Variants in EBF4 observed in about 807,000 individuals in gnomAD.
The protein encoded by EBF4 is transcription factor COE4.
In EBF4, 34 loss-of-function variants were observed where a neutral mutation model predicts 67.1. That is an observed-to-expected ratio of 0.51 (90% CI 0.39 to 0.67). EBF4 has a LOEUF of 0.67. EBF4 is among the 30% of genes least tolerant of loss of function. The probability of loss-of-function intolerance (pLI) is 0.00; values close to 1 mark genes in which losing one functional copy is unlikely to be tolerated. For synonymous variants in EBF4, 387 were observed against 377.7 expected, an observed-to-expected ratio of 1.02 and a Z score of -0.29; for missense variants, 837 against 873.3, an observed-to-expected ratio of 0.96 and a Z score of 0.52.
intron 14 of EBF4, among the ~76,000 whole-genome samples, chr20:2,753,639 G>A (rs1336490652): frequency 6.6e-6 from 1 of 152,218 alleles, no homozygotes; most frequent in African/African-American, 2.4e-5. Context: ...ACTGGTCATG[G>A]CTTTGCCCGT....
intron 6 of EBF4, among the ~76,000 whole-genome samples, chr20:2,719,841 G>A (rs919425091): frequency 1.2e-4 from 18 of 152,094 alleles, no homozygotes; most frequent in African/African-American, 3.4e-4. Flanking sequence ...TTTTGCCTGC[G>A]CTTGTGAAGA....
chr20:2,707,878 G>C lies in EBF4; in HGVS notation c.415-69G>C, dbSNP rs543800598. The C allele has an allele frequency of 2.1e-6, 3 of 1,436,298 alleles. No individual in the cohort carries two copies. 89.0% of individuals were successfully genotyped at this position (1,436,298 alleles called of 1,614,324 possible). A position where few individuals can be genotyped will look rare whatever the true frequency, so the allele number is the denominator to read the frequency against. ...CCTAGGCTTGGGAGATGCCAGGTCC[G>C]TCTGTGCTGCCACCTGCACCTCAGA... On this transcript the variant is annotated intron_variant, in intron 4 of 16. Coordinates refer to ENST00000609451, the Ensembl canonical transcript of EBF4. This position sits in a 1 kb window ranked among gnomAD's most constrained non-coding sequence, Gnocchi z 4.6.
At chr20:2,754,642 A>C (rs964179162) in intron 14 of EBF4, among the ~76,000 whole-genome samples, 7 of 152,172 alleles carry the variant, frequency 4.6e-5, no homozygotes, top group Non-Finnish European at 1.0e-4. Context: ...TTCTTCCAGG[A>C]AGCCCCACCC....
chr20:2,740,896 G>C (rs1455946293), intron 6 of EBF4, among the ~76,000 whole-genome samples: 5 of 152,140 alleles, frequency 3.3e-5, no homozygotes, highest in African/African-American at 1.2e-4. Flanking sequence ...TCTTGGCTGA[G>C]GGTAATTCTC....
rs142268392 is a variant in EBF4, at chr20:2,739,671, G to A, written c.558-8878G>A. Among the ~76,000 whole-genome samples, 175 of 152,346 alleles carry A rather than the reference G, an allele frequency of 1.1e-3. No homozygotes were observed. Among genetic ancestry groups the A allele is most frequent in the African/African-American group, 4.1e-3 (169 of 41,578 alleles). On this transcript the variant is annotated intron_variant, in intron 6 of 16. Coordinates refer to ENST00000609451, the Ensembl canonical transcript of EBF4. This position sits in a 1 kb window ranked among gnomAD's most constrained non-coding sequence, Gnocchi z 4.5. ...GTCCTCCTCTGTCCCTGAGCTGAGGGTAGAGAGAAGCAGACAGTGAACACG... is the reference window on the plus strand; with the variant it reads ...GTCCTCCTCTGTCCCTGAGCTGAGGATAGAGAGAAGCAGACAGTGAACACG...
chr20:2,698,062 C>T (rs934868426), intron 1 of EBF4, among the ~76,000 whole-genome samples: 3 of 152,048 alleles, frequency 2.0e-5, no homozygotes, highest in East Asian at 1.9e-4. Context: ...GGGTGGGTGG[C>T]GAGAGGGTGG....
At chr20:2,742,717 G>C (rs2087986365) in intron 6 of EBF4, among the ~76,000 whole-genome samples, 1 of 151,950 alleles carries the variant, frequency 6.6e-6, no homozygotes, top group African/African-American at 2.4e-5. Context: ...CCCCCATCCT[G>C]GTCAGGAAAA....
At chr20:2,753,593 C>T (rs984514356) in intron 14 of EBF4, among the ~76,000 whole-genome samples, 5 of 152,356 alleles carry the variant, frequency 3.3e-5, no homozygotes, top group East Asian at 1.9e-4. Flanking sequence ...GCGACTCTGC[C>T]GAGCTGGAGA....
Position 2,707,832 on chromosome 20 carries a change from C to A in EBF4, c.415-115C>A. ...AGCAAGGCAGAGGGCGTGCTCTTCCCTGGGGCAGGGTCTCCCTGGGCCTAG... is the reference window on the plus strand; with the variant it reads ...AGCAAGGCAGAGGGCGTGCTCTTCCATGGGGCAGGGTCTCCCTGGGCCTAG... On this transcript the variant is annotated intron_variant, in intron 4 of 16. Coordinates refer to ENST00000609451, the Ensembl canonical transcript of EBF4. This position sits in a 1 kb window ranked among gnomAD's most constrained non-coding sequence, Gnocchi z 4.6. The A allele has an allele frequency of 9.3e-7, 1 of 1,073,166 alleles. No individual in the cohort carries two copies. Among genetic ancestry groups the A allele is most frequent in the Non-Finnish European group, 1.3e-6 (1 of 767,130 alleles). 66.5% of individuals were successfully genotyped at this position (1,073,166 alleles called of 1,614,324 possible).
At chr20:2,736,452 C>T (rs1260323829) in intron 6 of EBF4, among the ~76,000 whole-genome samples, 1 of 152,170 alleles carries the variant, frequency 6.6e-6, no homozygotes, top group African/African-American at 2.4e-5. Flanking sequence ...GAATCAGCCC[C>T]CTTCCTAATC....
At position 2,743,965 on chromosome 20, in the gene EBF4, A is replaced by G. The variant is rs540859526; in HGVS notation, c.558-4584A>G. ...TCAAGTTTATTCCTTCTATCTTGCT[A>G]TTTGTACCCTATAACCCACTTCTCT... On this transcript the variant is annotated intron_variant, in intron 6 of 16. Transcript: ENST00000609451. 1.2e-4 allele frequency among the ~76,000 whole-genome samples: 19 copies of G among 152,104 alleles called. 1 individual carries two copies. The South Asian group carries it at 3.9e-3, about 32-fold the overall frequency.
rs1195563865 is a variant in EBF4 at position 2,756,943 on chromosome 20, A to G, written c.1738+1119A>G. ...TTGAGCACAAAAATGTATTTTTCTAACAGCATCTTGAGATTAGTTCCTGGG... is the reference window on the plus strand; with the variant it reads ...TTGAGCACAAAAATGTATTTTTCTAGCAGCATCTTGAGATTAGTTCCTGGG... On this transcript the variant is annotated intron_variant, in intron 15 of 16. Transcript: ENST00000609451. This position sits in a 1 kb window ranked among gnomAD's most constrained non-coding sequence, Gnocchi z 4.5. Among the ~76,000 whole-genome samples the G allele has an allele frequency of 6.6e-6, 1 of 152,256 alleles. No individual in the cohort carries two copies. Among genetic ancestry groups the G allele is most frequent in the African/African-American group, 2.4e-5 (1 of 41,466 alleles).
intron 1 of EBF4, among the ~76,000 whole-genome samples, chr20:2,701,022 G>A (rs938171912): frequency 3.9e-5 from 6 of 152,228 alleles, no homozygotes; most frequent in Admixed American, 6.5e-5. Flanking sequence ...CCCCATGTGC[G>A]CTGCAGGGCT....
chr20:2,717,225 T>C (rs2087621843), intron 6 of EBF4, among the ~76,000 whole-genome samples: 1 of 152,182 alleles, frequency 6.6e-6, no homozygotes, highest in Admixed American at 6.5e-5. Context: ...GCATCTACTA[T>C]GTACCAGGCA....
rs111515593 is a variant in EBF4, at chr20:2,745,736, C to A, written c.558-2813C>A. On this transcript the variant is annotated intron_variant, in intron 6 of 16. Transcript: ENST00000609451. This position sits in a 1 kb window ranked among gnomAD's most constrained non-coding sequence, Gnocchi z 5.2. ...CAGGACTAGAAGGTGTCACGGCAGC[C>A]GTCAATCGCTACTCTCCCTTCATGG... is the stretch of plus-strand genomic sequence containing the variant. Among the ~76,000 whole-genome samples, 1 of 152,096 alleles carries A rather than the reference C, an allele frequency of 6.6e-6. No individual in the cohort carries two copies. The highest frequency in any genetic ancestry group is 2.4e-5 in the African/African-American group (1 of 41,372).
chr20:2,734,816 T>A (rs925826821), intron 6 of EBF4, among the ~76,000 whole-genome samples: 1 of 152,232 alleles, frequency 6.6e-6, no homozygotes, highest in African/African-American at 2.4e-5. Context: ...TGTTAAGACA[T>A]GCCTTCAGTG....
intron 5 of EBF4, 70 bp downstream of exon 5, chr20:2,708,090 G>A: frequency 1.4e-6 from 2 of 1,476,156 alleles, no homozygotes; most frequent in South Asian, 2.6e-5. Flanking sequence ...CCCAGGCCCT[G>A]CCCCCTCGCC....
intron 14 of EBF4, among the ~76,000 whole-genome samples, chr20:2,754,475 A>T (rs1001489721): frequency 6.6e-6 from 1 of 152,160 alleles, no homozygotes; most frequent in Admixed American, 6.5e-5. Context: ...CAAGCCCTTC[A>T]TCGGGCTCTG....
intron 4 of EBF4, among the ~76,000 whole-genome samples, chr20:2,706,580 G>A (rs1259682689): frequency 1.3e-5 from 2 of 152,170 alleles, no homozygotes; most frequent in Non-Finnish European, 2.9e-5. Flanking sequence ...AGGGGAGGGA[G>A]GTAAGCTGGA....
Sources: gnomAD v4.1 joint callset for allele counts (sites outside exome capture counted in the v4.1 genomes callset) on GRCh38, gnomAD v4.1.1 for gene constraint, Gnocchi (gnomAD v3.1) non-coding constraint, MANE v1.5 for transcripts, NCBI Gene and HGNC (gene_info 2026-07-23, HGNC 2026-07-21) for gene names.